Variants in F13A1 observed in about 807,000 individuals in gnomAD.
F13A1 encodes coagulation factor XIII A chain.
Under a neutral mutation model 80.1 loss-of-function variants are expected in F13A1, and 47 were observed. The ratio of observed to expected loss-of-function variants is 0.59; its 90% CI spans 0.46 to 0.75. The LOEUF (loss-of-function observed/expected upper bound fraction) is 0.75. F13A1 is among the 30% of genes least tolerant of loss of function. The pLI is 0.00. For synonymous variants in F13A1, 349 were observed against 344.9 expected, an observed-to-expected ratio of 1.01 and a Z score of -0.13; for missense variants, 817 against 930.4, an observed-to-expected ratio of 0.88 and a Z score of 1.59.
intron 6 of F13A1, among the ~76,000 whole-genome samples, chr6:6,225,710 C>G (rs1757267915): frequency 6.6e-6 from 1 of 152,026 alleles, no homozygotes; most frequent in Non-Finnish European, 1.5e-5. Flanking sequence ...CCTATGTTGC[C>G]CAGGCTAGTC....
At chr6:6,301,717 G>C (rs531871149) in intron 3 of F13A1, among the ~76,000 whole-genome samples, 277 of 152,340 alleles carry the variant, frequency 1.8e-3, no homozygotes, top group African/African-American at 6.5e-3. Flanking sequence ...CTTTCCCATT[G>C]TTGGGAGTGT....
intron 3 of F13A1, among the ~76,000 whole-genome samples, chr6:6,271,434 A>G (rs988624416): frequency 6.6e-6 from 1 of 152,168 alleles, no homozygotes; most frequent in South Asian, 2.1e-4. Flanking sequence ...CCTTGGCCCA[A>G]TCTGGATGGA....
chr6:6,233,665 AT>A (rs1416498175), intron 6 of F13A1, among the ~76,000 whole-genome samples: 2 of 152,168 alleles, frequency 1.3e-5, no homozygotes, highest in East Asian at 3.8e-4. Context: ...CTACAGACCA[AT>A]ATCCTTGATG....
In F13A1 at chr6:6,295,885, C is replaced by T. The variant is rs370941286; in HGVS notation, c.319+9466G>A. Among the ~76,000 whole-genome samples the T allele has an allele frequency of 2.4e-3, 324 of 135,334 alleles. 5 individuals carry two copies. The East Asian group carries it at 0.047, about 20-fold the overall frequency. The allele number at this position is 135,334 out of a possible 152,430, so 88.8% of individuals were successfully genotyped here. ...AGGGTTTTTATGGTTTTAGGTCTAA[C>T]GTTTAAGTCTTTAATCCATCTTGAA... On this transcript the variant is annotated intron_variant, in intron 3 of 14. Coordinates refer to ENST00000264870, the MANE Select transcript of F13A1 (RefSeq NM_000129.4).
intron 8 of F13A1, among the ~76,000 whole-genome samples, chr6:6,205,460 CACAT>C (rs1305673267): frequency 6.6e-6 from 1 of 152,246 alleles, no homozygotes; most frequent in East Asian, 1.9e-4. Flanking sequence ...TGTCCTCACT[CACAT>C]ACACACTACA....
chr6:6,311,051 A>T (rs1184526030), intron 2 of F13A1, among the ~76,000 whole-genome samples: 2 of 151,808 alleles, frequency 1.3e-5, no homozygotes, highest in South Asian at 2.1e-4. Context: ...TTTTTTTTTA[A>T]AAAAAAGTAT....
intron 4 of F13A1, among the ~76,000 whole-genome samples, chr6:6,261,113 C>A (rs1325748243): frequency 6.6e-6 from 1 of 152,112 alleles, no homozygotes; most frequent in African/African-American, 2.4e-5. Flanking sequence ...AGATTACAGG[C>A]ACACACCACC....
intron 11 of F13A1, among the ~76,000 whole-genome samples, chr6:6,175,342 T>A (rs1760863751): frequency 6.6e-6 from 1 of 152,190 alleles, no homozygotes; most frequent in Admixed American, 6.5e-5. Context: ...CCTGTCTTCC[T>A]CATCTCTCCT....
At chr6:6,292,871 C>A (rs1031888247) in intron 3 of F13A1, among the ~76,000 whole-genome samples, 1 of 152,198 alleles carries the variant, frequency 6.6e-6, no homozygotes, top group Non-Finnish European at 1.5e-5. Flanking sequence ...ACTTTCAGCT[C>A]TGCCCCATCC....
At chr6:6,302,234 C>G (rs185148580) in intron 3 of F13A1, among the ~76,000 whole-genome samples, 94 of 152,300 alleles carry the variant, frequency 6.2e-4, no homozygotes, top group Middle Eastern at 3.4e-3. Flanking sequence ...AAACTTCCCT[C>G]ATAATTGCAG....
chr6:6,230,891 A>C (rs1291607913), intron 6 of F13A1, among the ~76,000 whole-genome samples: 4 of 152,178 alleles, frequency 2.6e-5, no homozygotes, highest in Non-Finnish European at 5.9e-5. Context: ...GAAAAGGGGG[A>C]GAGTACTACA....
chr6:6,234,861 TTAAAA>T (rs1179812039), intron 6 of F13A1, among the ~76,000 whole-genome samples: 5 of 152,116 alleles, frequency 3.3e-5, no homozygotes, highest in South Asian at 2.1e-4. Flanking sequence ...TCAATAAAAC[TTAAAA>T]TTAAATAGAA....
At chr6:6,193,738 T>C (rs1761243065) in intron 10 of F13A1, among the ~76,000 whole-genome samples, 2 of 151,430 alleles carry the variant, frequency 1.3e-5, no homozygotes, top group Admixed American at 6.6e-5. Context: ...TCCTTCTCCT[T>C]CTTTGCAGCA....
In F13A1 at chr6:6,186,159, C is replaced by T. The variant is rs1761077084; in HGVS notation, c.1306-4018G>A. Reference sequence around the variant, plus strand: ...ATGAGTAGGTTGCAAAAATTTTCTCCCATTCTGTAGGTTGCCTGTTCACTC... The same window carrying T: ...ATGAGTAGGTTGCAAAAATTTTCTCTCATTCTGTAGGTTGCCTGTTCACTC... On this transcript the variant is annotated intron_variant, in intron 10 of 14. Coordinates refer to ENST00000264870, the MANE Select transcript of F13A1 (RefSeq NM_000129.4). 3.3e-5 allele frequency among the ~76,000 whole-genome samples: 5 copies of T among 150,580 alleles called. No homozygotes were observed. In the Admixed American group the frequency reaches 3.3e-4, roughly 10 times the overall value.
chr6:6,204,417 T>G (rs921401187), intron 8 of F13A1, among the ~76,000 whole-genome samples: 2 of 152,234 alleles, frequency 1.3e-5, no homozygotes, highest in African/African-American at 4.8e-5. Flanking sequence ...ATAGCAAAAC[T>G]GGCAGGGGGT....
In F13A1 at chr6:6,243,329, G is replaced by A. The variant is rs966172211; in HGVS notation, c.798+4983C>T. Among the ~76,000 whole-genome samples the A allele has an allele frequency of 4.1e-5, 6 of 147,490 alleles. No homozygotes were observed. The highest frequency in any genetic ancestry group is 2.2e-4 in the South Asian group (1 of 4,568). ...TATCACAATCACTATCACCACCACC[G>A]TCACCACCACCATCATCACTAACTC... On this transcript the variant is annotated intron_variant, in intron 6 of 14. Transcript: ENST00000264870. This position sits in a 1 kb window ranked among gnomAD's most constrained non-coding sequence, Gnocchi z 4.2.
chr6:6,161,524 ATGTGTGTGTGTG>A (rs143895728), intron 13 of F13A1, among the ~76,000 whole-genome samples: 3 of 133,556 alleles, frequency 2.2e-5, no homozygotes, highest in Non-Finnish European at 4.7e-5. Flanking sequence ...CAGAGAGAGG[ATGTGTGTGTGTG>A]TGTGTGTGTG....
chr6:6,288,389 T>G (rs1758167540), intron 3 of F13A1, among the ~76,000 whole-genome samples: 1 of 152,230 alleles, frequency 6.6e-6, no homozygotes, highest in Non-Finnish European at 1.5e-5. Context: ...AGATTGACTT[T>G]TTCAGATTCC....
At chr6:6,283,119 A>G (rs1758089271) in intron 3 of F13A1, among the ~76,000 whole-genome samples, 1 of 152,244 alleles carries the variant, frequency 6.6e-6, no homozygotes. Flanking sequence ...CATTTCTGCA[A>G]TCTTCCTGTG....
Sources: allele counts gnomAD v4.1 joint callset (sites outside exome capture counted in the v4.1 genomes callset), GRCh38; gene constraint gnomAD v4.1.1; non-coding constraint Gnocchi (gnomAD v3.1); transcripts MANE v1.5; gene names NCBI Gene and HGNC (gene_info 2026-07-23, HGNC 2026-07-21).